The following HARBI1 variants were observed in gnomAD, a reference collection of about 807,000 sequenced individuals.
HARBI1 encodes putative nuclease HARBI1.
Under a neutral mutation model 25.3 loss-of-function variants are expected in HARBI1, and 15 were observed. That is an observed-to-expected ratio of 0.59 (90% CI 0.40 to 0.91). HARBI1 has a LOEUF of 0.91. Ranked by LOEUF, HARBI1 falls within the 40% of genes least tolerant of loss-of-function variation. The probability of loss-of-function intolerance (pLI) is 0.00; values close to 1 mark genes in which losing one functional copy is unlikely to be tolerated. For synonymous variants in HARBI1, 168 were observed against 160.5 expected (o/e 1.05, Z -0.35); for missense variants, 396 against 445.8 (o/e 0.89, Z 1.01).
intron 2 of HARBI1, among the ~76,000 whole-genome samples, chr11:46,611,296 C>T (rs1319982319): frequency 6.6e-6 from 1 of 152,056 alleles, no homozygotes; most frequent in African/African-American, 2.4e-5. Context: ...CGTGAGCCAC[C>T]GTGCCCGGCT....
At chr11:46,615,459 C>G in intron 2 of HARBI1, 109 bp downstream of exon 2, 1 of 836,136 alleles carries the variant, frequency 1.2e-6, no homozygotes. Flanking sequence ...CTCAGGTGAT[C>G]TACCGCCTCA....
intron 2 of HARBI1, among the ~76,000 whole-genome samples, chr11:46,614,010 T>C (rs2045284181): frequency 6.6e-6 from 1 of 152,078 alleles, no homozygotes; most frequent in Non-Finnish European, 1.5e-5. Context: ...GCTGCAGCTA[T>C]TGTTTGCAAT....
In HARBI1 at chr11:46,616,155, T is replaced by C. The variant is rs375003116; in HGVS notation, c.83A>G (p.Asp28Gly). Residue 28 changes from aspartate to glycine, a missense_variant, in exon 2 of 3, where the codon GAT becomes GGT. Transcript: ENST00000326737. ...GHRTLDRFKL[D>G]DVTDEYLMSM... ...CATCAAGTATTCATCAGTCACATCA[T>C]CCAGCTTAAAACGGTCCAATGTCCG... 1.3e-5 allele frequency: 21 copies of C among 1,613,986 alleles called. No individual in the cohort carries two copies. The highest frequency in any genetic ancestry group is 1.8e-5 in the Non-Finnish European group (21 of 1,180,040).
At chr11:46,616,685 T>C (rs529996202) in intron 1 of HARBI1, 1 of 996,598 alleles carries the variant, frequency 1.0e-6, no homozygotes, top group South Asian at 4.4e-5. Flanking sequence ...TCTAACTATA[T>C]AGGCCAAGAA....
At chr11:46,604,140 T>C in intron 2 of HARBI1, 1 of 985,118 alleles carries the variant, frequency 1.0e-6, no homozygotes, top group Non-Finnish European at 1.2e-6. Flanking sequence ...AATCGACACA[T>C]AAAAACGCTG....
chr11:46,617,738 C>A, upstream of HARBI1: 1 of 398,548 alleles, frequency 2.5e-6, no homozygotes, highest in Non-Finnish European at 4.4e-6. Context: ...CGAGCCAGGA[C>A]CCTTCTGAAG....
intron 2 of HARBI1, among the ~76,000 whole-genome samples, chr11:46,614,481 T>C (rs1003413402): frequency 6.6e-6 from 1 of 152,086 alleles, no homozygotes; most frequent in African/African-American, 2.4e-5. Context: ...TACAGCCATA[T>C]TCCCAGAGCT....
intron 2 of HARBI1, among the ~76,000 whole-genome samples, chr11:46,609,751 G>C (rs544339797): frequency 3.0e-4 from 46 of 151,950 alleles, no homozygotes; most frequent in African/African-American, 1.1e-3. Context: ...AGCACTTTGG[G>C]AGGCTGAGGT....
rs2044842839 is a variant in HARBI1, at chr11:46,603,912, G to C, written c.671-3C>G. ...TCGAAGAAAGAAGGAACTGTCACCT[G>C]TGGGGAAGGCCCAAATAAATCATAA... is the stretch of plus-strand genomic sequence containing the variant. On this transcript the variant is annotated splice_region_variant and splice_polypyrimidine_tract_variant and intron_variant, in intron 2 of 2. Transcript: ENST00000326737. 6.2e-7 allele frequency: 1 copy of C among 1,602,366 alleles called. No homozygotes were observed. The highest frequency in any genetic ancestry group is 1.3e-5 in the African/African-American group (1 of 74,564).
At chr11:46,617,063 A>G in intron 1 of HARBI1, 61 bp downstream of exon 1, 1 of 934,900 alleles carries the variant, frequency 1.1e-6, no homozygotes, top group Non-Finnish European at 1.3e-6. Flanking sequence ...AGGGCACCCT[A>G]AAAACGGATG....
chr11:46,611,884 T>C (rs183138212), intron 2 of HARBI1, among the ~76,000 whole-genome samples: 1 of 152,094 alleles, frequency 6.6e-6, no homozygotes, highest in African/African-American at 2.4e-5. Flanking sequence ...AAGCTCAAAA[T>C]AGGCAAAAGG....
chr11:46,610,155 A>G (rs1291848185), intron 2 of HARBI1, among the ~76,000 whole-genome samples: 1 of 151,716 alleles, frequency 6.6e-6, no homozygotes, highest in Non-Finnish European at 1.5e-5. Flanking sequence ...GCCCAGCCAA[A>G]AAATTTAAAA....
intron 2 of HARBI1, among the ~76,000 whole-genome samples, chr11:46,604,873 T>C (rs1365198633): frequency 6.6e-6 from 1 of 152,124 alleles, no homozygotes; most frequent in Non-Finnish European, 1.5e-5. Context: ...ATTAAAAAAA[T>C]ACACACAAGG....
At chr11:46,606,464 C>A (rs1389375017) in intron 2 of HARBI1, among the ~76,000 whole-genome samples, 2 of 151,498 alleles carry the variant, frequency 1.3e-5, no homozygotes, top group Admixed American at 1.3e-4. Context: ...AGGCATGTAC[C>A]ACCATGACTG....
At chr11:46,617,620 GC>G (rs2045720664), upstream of HARBI1, 1 of 378,694 alleles carries the variant, frequency 2.6e-6, no homozygotes, top group Admixed American at 4.5e-5. Context: ...CGGCTGCTGG[GC>G]TTAAGGCGGG....
At chr11:46,607,290 TA>T (rs1341561236) in intron 2 of HARBI1, among the ~76,000 whole-genome samples, 1 of 151,778 alleles carries the variant, frequency 6.6e-6, no homozygotes, top group East Asian at 1.9e-4. Flanking sequence ...GATTATCTCT[TA>T]TTATGCAATC....
Position 46,603,577 on chromosome 11 carries a change from C to G in HARBI1, c.1003G>C (p.Glu335Gln), listed in dbSNP as rs2135369481. ...AGCTCCTGACGAATACGGTCAGCCT[C>G]TAAGTCCAGGGACTCCATGTGCTCA... ...EYEHMESLDLEADRIRQELML... is the reference protein window; with the variant it reads ...EYEHMESLDLQADRIRQELML... The change falls in exon 3 of 3, where the codon GAG (glutamate) becomes CAG (glutamine). Residue 335 changes from glutamate to glutamine, a missense_variant. By Grantham distance (29) the Glu-to-Gln change is conservative. Coordinates refer to ENST00000326737, the MANE Select transcript of HARBI1 (RefSeq NM_173811.4). 6.2e-7 allele frequency: 1 copy of G among 1,612,942 alleles called. No individual in the cohort carries two copies. Among genetic ancestry groups the G allele is most frequent in the Non-Finnish European group, 8.5e-7 (1 of 1,179,252 alleles).
At position 46,617,168 on chromosome 11, in the gene HARBI1, A is replaced by G; in HGVS notation, c.-189T>C. 4.1e-6 allele frequency: 1 copy of G among 243,450 alleles called. No individual in the cohort carries two copies. Among genetic ancestry groups the G allele is most frequent in the Non-Finnish European group, 6.6e-6 (1 of 151,594 alleles). 15.1% of individuals were successfully genotyped at this position (243,450 alleles called of 1,614,324 possible). On this transcript the variant is annotated 5_prime_UTR_variant, in exon 1 of 3. Transcript: ENST00000326737. ...TACCAGCCACACTTCCCACCCACCC[A>G]GCCGGGTTGGGCCCTCCTCCGGAAC...
At chr11:46,616,683 T>C (rs1191481532) in intron 1 of HARBI1, 6 of 996,828 alleles carry the variant, frequency 6.0e-6, no homozygotes, top group Admixed American at 5.5e-5. Flanking sequence ...CTTCTAACTA[T>C]ATAGGCCAAG....
Sources: allele counts gnomAD v4.1 joint callset (sites outside exome capture counted in the v4.1 genomes callset), GRCh38; gene constraint gnomAD v4.1.1; transcripts MANE v1.5; gene names NCBI Gene and HGNC (gene_info 2026-07-23, HGNC 2026-07-21).